Variants in AGBL1 observed in about 807,000 individuals in gnomAD.
The protein encoded by AGBL1 is cytosolic carboxypeptidase 4.
A neutral mutation model predicts 118.9 loss-of-function variants in AGBL1; 130 were observed. That is an observed-to-expected ratio of 1.09 (90% CI 0.95 to 1.26). The LOEUF is 1.26. AGBL1 is among the 50% of genes most tolerant of loss of function. The pLI is 0.00. For synonymous variants in AGBL1, 555 were observed against 478.9 expected (o/e 1.16, Z -2.08); for missense variants, 1,584 against 1,298.1 (o/e 1.22, Z -3.38).
chr15:86,096,014 T>A lies in AGBL1; in HGVS notation c.51+15991T>A, dbSNP rs183453452. Among the ~76,000 whole-genome samples, 62 of 152,292 alleles carry A rather than the reference T, an allele frequency of 4.1e-4. No homozygotes were observed. In the East Asian group the frequency reaches 9.8e-3, roughly 24 times the overall value. On this transcript the variant is annotated intron_variant, in intron 1 of 22. Transcript: ENST00000614907. ...TTTTTTTTCATATTTTTGGTTCAAC[T>A]AAACTATTGTTTACTTAACATTATT...
intron 21 of AGBL1, among the ~76,000 whole-genome samples, chr15:86,658,125 C>T (rs1028148749): frequency 8.6e-5 from 13 of 151,930 alleles, no homozygotes; most frequent in Admixed American, 8.5e-4. Flanking sequence ...AGAACATGAT[C>T]AGCACAAAAA....
chr15:86,372,007 C>T (rs540559186), intron 17 of AGBL1, among the ~76,000 whole-genome samples: 22 of 152,314 alleles, frequency 1.4e-4, no homozygotes, highest in Non-Finnish European at 2.4e-4. Flanking sequence ...TCCTTTGCCT[C>T]CCCACCCTCC....
Position 86,347,071 on chromosome 15 carries a change from A to G in AGBL1, c.2375-50295A>G, listed in dbSNP as rs2080549157. ...CCCAATTACTGGATTTGACAGTAAA[A>G]GGTATATATTAATGACTTGTTAGGG... On this transcript the variant is annotated intron_variant, in intron 17 of 22. Transcript: ENST00000614907. 2.6e-5 allele frequency among the ~76,000 whole-genome samples: 4 copies of G among 152,186 alleles called. No homozygotes were observed. In the South Asian group the frequency reaches 8.3e-4, roughly 32 times the overall value.
chr15:86,842,987 G>A (rs1249532345), intron 22 of AGBL1, among the ~76,000 whole-genome samples: 1 of 152,106 alleles, frequency 6.6e-6, no homozygotes, highest in Non-Finnish European at 1.5e-5. Flanking sequence ...TGCACCCAAG[G>A]TGGGGTTTTA....
chr15:86,762,824 C>G (rs2078045370), intron 22 of AGBL1, among the ~76,000 whole-genome samples: 1 of 151,890 alleles, frequency 6.6e-6, no homozygotes, highest in Admixed American at 6.6e-5. Context: ...TGGTGTTCCT[C>G]CTTGTGGAAT....
At position 86,264,440 on chromosome 15, in the gene AGBL1, G is replaced by C; in HGVS notation, c.1269G>C (p.Arg423Ser). 6.2e-7 allele frequency: 1 copy of C among 1,613,934 alleles called. No homozygotes were observed. The highest frequency in any genetic ancestry group is 8.5e-7 in the Non-Finnish European group (1 of 1,179,890). Residue 423 changes from arginine to serine, a missense_variant, in exon 11 of 23, where the codon AGG becomes AGC. Coordinates refer to ENST00000614907, the MANE Select transcript of AGBL1 (RefSeq NM_001386094.1). ...TTCTGTGCAGGGTGAAGACGGGAAG[G>C]TCCACTGTGCATCTAGGCTCCAAAA... ...TSLLCRVKTGRSTVHLGSKKN... is the reference protein window; with the variant it reads ...TSLLCRVKTGSSTVHLGSKKN...
chr15:86,713,521 A>G lies in AGBL1; in HGVS notation c.3158+39085A>G, dbSNP rs141094745. ...TATTACATTGGTATCCCCAGTGCCC[A>G]TAGAGCACTAGACGGGTTGTGGAAA... On this transcript the variant is annotated intron_variant, in intron 22 of 22. Coordinates refer to ENST00000614907, the MANE Select transcript of AGBL1 (RefSeq NM_001386094.1). Among the ~76,000 whole-genome samples the G allele has an allele frequency of 1.8e-3, 272 of 152,338 alleles. 3 individuals are homozygous for G. In the East Asian group the frequency reaches 0.022, roughly 12 times the overall value.
At chr15:86,733,076 T>G (rs1277151951) in intron 22 of AGBL1, among the ~76,000 whole-genome samples, 1 of 148,798 alleles carries the variant, frequency 6.7e-6, no homozygotes, top group Non-Finnish European at 1.5e-5. Context: ...ATATTATATA[T>G]AAATATATAT....
chr15:86,884,129 C>T (rs958255185), intron 22 of AGBL1, among the ~76,000 whole-genome samples: 1 of 152,206 alleles, frequency 6.6e-6, no homozygotes, highest in Non-Finnish European at 1.5e-5. Context: ...ACTCTTGGCA[C>T]ATCAGAATCA....
chr15:86,990,974 G>A (rs1014967264), intron 24 of AGBL1, among the ~76,000 whole-genome samples: 4 of 152,178 alleles, frequency 2.6e-5, no homozygotes, highest in Admixed American at 1.3e-4. Flanking sequence ...GGATACAAGA[G>A]GATTCTGTTA....
intron 22 of AGBL1, among the ~76,000 whole-genome samples, chr15:86,877,477 C>G (rs1210871819): frequency 6.6e-6 from 1 of 152,124 alleles, no homozygotes; most frequent in Non-Finnish European, 1.5e-5. Context: ...CTCAGTTGAC[C>G]TCTTAGGACA....
chr15:86,339,123 T>G (rs1302662254), intron 17 of AGBL1, among the ~76,000 whole-genome samples: 1 of 152,194 alleles, frequency 6.6e-6, no homozygotes, highest in Non-Finnish European at 1.5e-5. Context: ...TTTCACTAGA[T>G]ACGGAATTCT....
At chr15:86,561,580 G>A (rs1030115127) in intron 21 of AGBL1, among the ~76,000 whole-genome samples, 1 of 152,164 alleles carries the variant, frequency 6.6e-6, no homozygotes, top group Non-Finnish European at 1.5e-5. Flanking sequence ...TTTGAAGTCA[G>A]GTAGTGTGAT....
chr15:86,853,987 G>C (rs751290097), intron 22 of AGBL1, among the ~76,000 whole-genome samples: 1 of 152,154 alleles, frequency 6.6e-6, no homozygotes, highest in Non-Finnish European at 1.5e-5. Context: ...AGCCGTAAAA[G>C]TGGAAAGGAC....
chr15:86,758,153 C>G (rs918387419), intron 22 of AGBL1, among the ~76,000 whole-genome samples: 10 of 152,068 alleles, frequency 6.6e-5, no homozygotes, highest in African/African-American at 2.2e-4. Context: ...CCCACCATGT[C>G]CACTCTCCTG....
intron 18 of AGBL1, among the ~76,000 whole-genome samples, chr15:86,484,428 A>G (rs1466222491): frequency 2.0e-5 from 3 of 152,174 alleles, no homozygotes; most frequent in Admixed American, 2.0e-4. Context: ...TCAGATGAAC[A>G]TAAAGAAAAA....
intron 23 of AGBL1, among the ~76,000 whole-genome samples, chr15:86,974,001 A>C (rs1180670640): frequency 1.4e-5 from 2 of 139,164 alleles, no homozygotes; most frequent in Non-Finnish European, 3.1e-5. Flanking sequence ...TAATATATTA[A>C]ATATAAACAT....
At chr15:86,351,682 A>AT (rs200675402) in intron 17 of AGBL1, among the ~76,000 whole-genome samples, 2,804 of 152,152 alleles carry the variant, frequency 0.018, 31 homozygotes, top group Non-Finnish European at 0.03. Flanking sequence ...TGTACCCTGA[A>AT]TTTTTTTATA....
intron 18 of AGBL1, among the ~76,000 whole-genome samples, chr15:86,460,769 C>A (rs1444611420): frequency 1.3e-5 from 2 of 152,180 alleles, no homozygotes; most frequent in Non-Finnish European, 2.9e-5. Flanking sequence ...TCTCTGATTT[C>A]CTAGTTCCTT....
Sources: allele counts gnomAD v4.1 joint callset (sites outside exome capture counted in the v4.1 genomes callset), GRCh38; gene constraint gnomAD v4.1.1; transcripts MANE v1.5; gene names NCBI Gene and HGNC (gene_info 2026-07-23, HGNC 2026-07-21).